OXSR1: variants seen among roughly 807,000 people sequenced by gnomAD.
The protein encoded by OXSR1 is oxidative stress responsive kinase 1, also known as serine/threonine-protein kinase OSR1.
In OXSR1, 24 loss-of-function variants were observed where a neutral mutation model predicts 79.8. The observed-to-expected ratio is 0.30, with a 90% CI of 0.22 to 0.42. OXSR1 has a LOEUF of 0.42. OXSR1 is among the 10% of genes least tolerant of loss of function. The pLI is 1.00. For missense variants in OXSR1, 430 were observed against 618.4 expected (o/e 0.70, Z 3.23); for synonymous variants, 226 against 209.2 (o/e 1.08, Z -0.69).
At chr3:38,204,333 C>T (rs1368268211) in intron 4 of OXSR1, among the ~76,000 whole-genome samples, 3 of 152,092 alleles carry the variant, frequency 2.0e-5, no homozygotes. Flanking sequence ...TCTACCCAAC[C>T]GTGGTCCAGC....
chr3:38,173,959 A>T (rs977026062), intron 1 of OXSR1, among the ~76,000 whole-genome samples: 5 of 152,228 alleles, frequency 3.3e-5, no homozygotes, highest in Non-Finnish European at 5.9e-5. Context: ...CAGTTGAGGA[A>T]AGACCTGAAG....
At chr3:38,178,773 C>T (rs1039705906) in intron 1 of OXSR1, among the ~76,000 whole-genome samples, 12 of 151,446 alleles carry the variant, frequency 7.9e-5, no homozygotes, top group African/African-American at 2.2e-4. Flanking sequence ...CCACCATACC[C>T]GGCCTCATGT....
At position 38,183,133 on chromosome 3, in the gene OXSR1, T is replaced by C. The variant is rs538368824; in HGVS notation, c.183+18T>C. 4 of 1,320,766 alleles carry C rather than the reference T, an allele frequency of 3.0e-6. No individual in the cohort carries two copies. The East Asian group carries it at 9.3e-5, about 31-fold the overall frequency. 81.8% of individuals were successfully genotyped at this position (1,320,766 alleles called of 1,614,324 possible). On this transcript the variant is annotated intron_variant, in intron 2 of 17. Coordinates refer to ENST00000311806, the MANE Select transcript of OXSR1 (RefSeq NM_005109.3). ...AACTCCTGGTATGCACATCTTATAC[T>C]TCTGAAATGGAGAGATATACTCATA...
intron 1 of OXSR1, among the ~76,000 whole-genome samples, chr3:38,169,386 A>G (rs143617620): frequency 1.3e-5 from 2 of 151,726 alleles, no homozygotes; most frequent in Non-Finnish European, 2.9e-5. Flanking sequence ...GCTCACTGCA[A>G]CCTCTGTCTC....
chr3:38,168,327 C>A (rs1701507593), intron 1 of OXSR1, among the ~76,000 whole-genome samples: 1 of 152,172 alleles, frequency 6.6e-6, no homozygotes, highest in Non-Finnish European at 1.5e-5. Flanking sequence ...CCCGTGAGAT[C>A]TCTTGTGCTT....
At chr3:38,180,999 T>C (rs1307168268) in intron 1 of OXSR1, among the ~76,000 whole-genome samples, 1 of 152,170 alleles carries the variant, frequency 6.6e-6, no homozygotes, top group African/African-American at 2.4e-5. Flanking sequence ...TTGCCACATA[T>C]GGTAACATTC....
chr3:38,222,402 AT>A (rs900835585), intron 6 of OXSR1, among the ~76,000 whole-genome samples: 10 of 152,252 alleles, frequency 6.6e-5, no homozygotes, highest in Admixed American at 1.3e-4. Flanking sequence ...CGGAACCGAA[AT>A]CTGCTTCTCA....
At chr3:38,248,728 C>T (rs909072362) in intron 14 of OXSR1, among the ~76,000 whole-genome samples, 1 of 152,196 alleles carries the variant, frequency 6.6e-6, no homozygotes, top group African/African-American at 2.4e-5. Context: ...CTTTCCTTTA[C>T]AGAAGCCTAC....
chr3:38,249,938 A>C, intron 14 of OXSR1, 28 bp from the exon 15 acceptor site: 1 of 1,331,816 alleles, frequency 7.5e-7, no homozygotes, highest in Non-Finnish European at 1.1e-6. Context: ...AGAAATTCTT[A>C]TTTTATGCAT....
At chr3:38,223,987 ATT>A in intron 7 of OXSR1, 74 bp downstream of exon 7, 2 of 771,642 alleles carry the variant, frequency 2.6e-6, no homozygotes, top group Non-Finnish European at 4.1e-6. Context: ...CAGTCTTTTA[ATT>A]TTTTTTTTAT....
intron 8 of OXSR1, among the ~76,000 whole-genome samples, 174 bp from the exon 9 acceptor site, chr3:38,229,513 A>G (rs922320383): frequency 6.6e-6 from 1 of 152,124 alleles, no homozygotes; most frequent in African/African-American, 2.4e-5. Context: ...ATTTTATTCA[A>G]TGTCCTGTAT....
At chr3:38,181,843 T>C (rs1298520188) in intron 1 of OXSR1, among the ~76,000 whole-genome samples, 1 of 150,032 alleles carries the variant, frequency 6.7e-6, no homozygotes, top group Non-Finnish European at 1.5e-5. Flanking sequence ...TTTTTTTTTA[T>C]TGTACCTTGG....
intron 3 of OXSR1, 35 bp downstream of exon 3, chr3:38,190,874 T>C (rs1258809403): frequency 8.5e-7 from 1 of 1,174,492 alleles, no homozygotes. Context: ...ATAAGTACCA[T>C]GGTTTGAAAA....
At chr3:38,201,540 C>G (rs974156363) in intron 4 of OXSR1, among the ~76,000 whole-genome samples, 18 of 152,162 alleles carry the variant, frequency 1.2e-4, no homozygotes, top group African/African-American at 4.3e-4. Context: ...GAAACCCCCT[C>G]TCTACTAAAA....
chr3:38,232,085 C>T (rs1408482659), intron 10 of OXSR1, among the ~76,000 whole-genome samples: 6 of 151,674 alleles, frequency 4.0e-5, no homozygotes, highest in Middle Eastern at 3.2e-3. Context: ...CCAGCCTGGG[C>T]GACAGAGCAA....
chr3:38,241,247 A>G (rs1351969098), intron 11 of OXSR1, among the ~76,000 whole-genome samples: 2 of 152,188 alleles, frequency 1.3e-5, no homozygotes, highest in Non-Finnish European at 2.9e-5. Flanking sequence ...TCATGTAAAT[A>G]TAATAATAAG....
At position 38,254,078 on chromosome 3, in the gene OXSR1, C is replaced by G; in HGVS notation, c.*1187C>G. ...TGAATAATCAGTGAGGTTGATTTTT[C>G]TTTTTTCCTACCGTTTCATAGTCTT... is the stretch of plus-strand genomic sequence containing the variant. On this transcript the variant is annotated 3_prime_UTR_variant, in exon 18 of 18. Coordinates refer to ENST00000311806, the MANE Select transcript of OXSR1 (RefSeq NM_005109.3). 2.5e-6 allele frequency: 1 copy of G among 397,734 alleles called. No homozygotes were observed. The allele number at this position is 397,734 out of a possible 1,614,324, so 24.6% of individuals were successfully genotyped here.
chr3:38,201,009 G>A lies in OXSR1; in HGVS notation c.434+2146G>A, dbSNP rs562692240. ...ACATCTTGGATTATTAGTGAGGTTG[G>A]ACACAGATTTATATGAAGCCATTGG... On this transcript the variant is annotated intron_variant, in intron 4 of 17. Coordinates refer to ENST00000311806, the MANE Select transcript of OXSR1 (RefSeq NM_005109.3). Among the ~76,000 whole-genome samples the A allele has an allele frequency of 2.6e-5, 4 of 152,222 alleles. No homozygotes were observed. In the East Asian group the frequency reaches 7.8e-4, roughly 30 times the overall value.
At chr3:38,179,256 T>C (rs1341536887) in intron 1 of OXSR1, among the ~76,000 whole-genome samples, 5 of 151,964 alleles carry the variant, frequency 3.3e-5, no homozygotes, top group Admixed American at 2.0e-4. Flanking sequence ...TCTTGAACTC[T>C]TGGGCTCAAG....
Sources: allele counts gnomAD v4.1 joint callset (sites outside exome capture counted in the v4.1 genomes callset), GRCh38; gene constraint gnomAD v4.1.1; transcripts MANE v1.5; gene names NCBI Gene and HGNC (gene_info 2026-07-23, HGNC 2026-07-21).